The following DDAH1 variants were observed in gnomAD, a reference collection of about 807,000 sequenced individuals.
The protein encoded by DDAH1 is dimethylarginine dimethylaminohydrolase 1.
DDAH1 carries 19 observed loss-of-function variants against 28.8 expected under a neutral mutation model. The ratio of observed to expected loss-of-function variants is 0.66; its 90% CI spans 0.46 to 0.97. The LOEUF (loss-of-function observed/expected upper bound fraction) is 0.97. Among genes scored for constraint, DDAH1 ranks in the 50% least tolerant of loss-of-function variants. DDAH1 has a pLI of 0.00. For synonymous variants in DDAH1, 153 were observed against 154.4 expected (o/e 0.99, Z 0.07); for missense variants, 326 against 375.9 (o/e 0.87, Z 1.10).
intron 2 of DDAH1, 70 bp downstream of exon 2, chr1:85,358,678 T>A (rs1213027319): frequency 3.4e-6 from 4 of 1,191,960 alleles, no homozygotes; most frequent in Non-Finnish European, 4.8e-6. Context: ...CAAAAAACTA[T>A]AATAAAACAA....
intron 1 of DDAH1, among the ~76,000 whole-genome samples, chr1:85,510,379 C>T (rs1383313463): frequency 1.3e-5 from 2 of 152,194 alleles, no homozygotes; most frequent in Non-Finnish European, 2.9e-5. Context: ...GAACCGGAAC[C>T]AGCTGCTGCA....
intron 1 of DDAH1, among the ~76,000 whole-genome samples, chr1:85,536,461 G>A (rs112369134): frequency 2.0e-5 from 3 of 152,216 alleles, no homozygotes; most frequent in African/African-American, 4.8e-5. Context: ...GCTGAGGCAG[G>A]AGAATCGCTT....
At chr1:85,350,282 A>G (rs886260778) in intron 4 of DDAH1, 133 bp downstream of exon 4, 11 of 1,184,992 alleles carry the variant, frequency 9.3e-6, no homozygotes, top group Non-Finnish European at 1.2e-5. Context: ...AACAGTGCAC[A>G]TCACAGAAGC....
At chr1:85,358,897 G>T in intron 1 of DDAH1, 50 bp from the exon 2 acceptor site, 1 of 1,381,028 alleles carries the variant, frequency 7.2e-7, no homozygotes, top group Non-Finnish European at 1.0e-6. Context: ...TTCCTAACAA[G>T]AAAAAAACAT....
rs72724667 is a variant in DDAH1 at position 85,486,721 on chromosome 1, A to G, written c.-7+9445T>C. 2.5e-3 allele frequency among the ~76,000 whole-genome samples: 387 copies of G among 152,316 alleles called. 1 individual carries two copies. The highest frequency in any genetic ancestry group is 3.7e-3 in the South Asian group (18 of 4,824). ...AATACAGGGTGATATTAGAAAAGGA[A>G]CACTCACTTTAATTTGGAAAAGCAT... On this transcript the variant is annotated intron_variant, in intron 2 of 6. Transcript: ENST00000426972.
At chr1:85,577,874 C>A in intron 1 of DDAH1, 4 of 720,186 alleles carry the variant, frequency 5.6e-6, no homozygotes, top group Non-Finnish European at 6.8e-6. Flanking sequence ...CCAAGGCAGC[C>A]CAAGGAAACA....
chr1:85,577,330 G>A (rs1659642791), intron 1 of DDAH1, among the ~76,000 whole-genome samples: 1 of 152,252 alleles, frequency 6.6e-6, no homozygotes, highest in Non-Finnish European at 1.5e-5. Context: ...GGGGATGGGG[G>A]CGGGGAAATG....
intron 2 of DDAH1, among the ~76,000 whole-genome samples, chr1:85,487,868 C>A (rs1656257829): frequency 1.3e-5 from 2 of 152,076 alleles, no homozygotes; most frequent in South Asian, 4.1e-4. Context: ...CACATTGGCA[C>A]TCTTTTCTCC....
intron 1 of DDAH1, among the ~76,000 whole-genome samples, chr1:85,447,550 T>C (rs1046802937): frequency 2.6e-5 from 4 of 152,154 alleles, no homozygotes; most frequent in African/African-American, 9.7e-5. Flanking sequence ...CTTACAATCT[T>C]CCTCCTCCTT....
At chr1:85,553,538 GTTTGTTAC>G (rs1658862914) in intron 1 of DDAH1, among the ~76,000 whole-genome samples, 1 of 152,200 alleles carries the variant, frequency 6.6e-6, no homozygotes, top group Non-Finnish European at 1.5e-5. Context: ...AGGCCCAGAG[GTTTGTTAC>G]CAGCAAAGGG....
At chr1:85,551,770 T>G (rs1658798890) in intron 1 of DDAH1, among the ~76,000 whole-genome samples, 2 of 152,188 alleles carry the variant, frequency 1.3e-5, no homozygotes, top group South Asian at 4.1e-4. Flanking sequence ...TTCACAGAGG[T>G]GACATTTCAG....
In DDAH1 at chr1:85,340,275, C is replaced by A. The variant is rs184841825; in HGVS notation, c.597+10140G>T. ...ACTGCTCTATTCCTAAAATGTGAATCTAGGTCAGTGAAATCCAGCAACATT... is the reference window on the plus strand; with the variant it reads ...ACTGCTCTATTCCTAAAATGTGAATATAGGTCAGTGAAATCCAGCAACATT... On this transcript the variant is annotated intron_variant, in intron 4 of 5. Transcript: ENST00000284031. 2.0e-3 allele frequency among the ~76,000 whole-genome samples: 297 copies of A among 152,272 alleles called. 2 individuals carry two copies. Among genetic ancestry groups the A allele is most frequent in the Non-Finnish European group, 3.5e-3 (240 of 68,012 alleles).
chr1:85,400,531 T>C (rs373962713), intron 1 of DDAH1, among the ~76,000 whole-genome samples: 6 of 152,216 alleles, frequency 3.9e-5, no homozygotes. Flanking sequence ...AAAATGTACA[T>C]CTAATTAGAG....
intron 1 of DDAH1, among the ~76,000 whole-genome samples, chr1:85,435,672 C>T (rs973776344): frequency 2.6e-5 from 4 of 152,150 alleles, no homozygotes; most frequent in African/African-American, 9.7e-5. Flanking sequence ...CCTCCCTAAG[C>T]AAAGGCTTGA....
At chr1:85,410,738 A>G (rs1652617248) in intron 1 of DDAH1, among the ~76,000 whole-genome samples, 2 of 152,164 alleles carry the variant, frequency 1.3e-5, no homozygotes, top group South Asian at 2.1e-4. Flanking sequence ...ATAAATTTTT[A>G]AAGATGACTT....
chr1:85,469,622 G>A (rs749117274), upstream of DDAH1, among the ~76,000 whole-genome samples: 7 of 152,254 alleles, frequency 4.6e-5, no homozygotes, highest in Admixed American at 6.5e-5. Flanking sequence ...CAAAACACAC[G>A]TACACATTCA....
chr1:85,322,307 T>C (rs944222715), intron 5 of DDAH1, among the ~76,000 whole-genome samples: 3 of 152,202 alleles, frequency 2.0e-5, no homozygotes, highest in African/African-American at 7.2e-5. Flanking sequence ...TGACAAGATA[T>C]AACTTAAGTA....
At chr1:85,545,893 A>T (rs1189385797) in intron 1 of DDAH1, among the ~76,000 whole-genome samples, 2 of 151,804 alleles carry the variant, frequency 1.3e-5, no homozygotes, top group Admixed American at 6.6e-5. Context: ...TTGGTGCCAA[A>T]CTCCCTGAGT....
chr1:85,368,869 C>T (rs962246512), intron 1 of DDAH1, among the ~76,000 whole-genome samples: 3 of 152,066 alleles, frequency 2.0e-5, no homozygotes, highest in African/African-American at 7.2e-5. Flanking sequence ...TCAGAGGAAT[C>T]GCATGCTGCC....
Sources: gnomAD v4.1 joint callset for allele counts (sites outside exome capture counted in the v4.1 genomes callset) on GRCh38, gnomAD v4.1.1 for gene constraint, MANE v1.5 for transcripts, NCBI Gene and HGNC (gene_info 2026-07-23, HGNC 2026-07-21) for gene names.